ARHGEF10L: variants seen among roughly 807,000 people sequenced by gnomAD.
ARHGEF10L encodes the protein Rho guanine nucleotide exchange factor 10 like, also known as rho guanine nucleotide exchange factor 10-like protein.
Under a neutral mutation model 141.2 loss-of-function variants are expected in ARHGEF10L, and 69 were observed. That is an observed-to-expected ratio of 0.49 (90% CI 0.40 to 0.60). The LOEUF is 0.60. Ranked by LOEUF, ARHGEF10L falls within the 20% of genes least tolerant of loss-of-function variation. The probability of loss-of-function intolerance (pLI) is 0.00; values close to 1 mark genes in which losing one functional copy is unlikely to be tolerated. For missense variants in ARHGEF10L, 1,482 were observed against 1,734.3 expected (o/e 0.85, Z 2.58); for synonymous variants, 711 against 718.5 (o/e 0.99, Z 0.17).
rs1274233129 is a variant in ARHGEF10L at position 17,603,555 on chromosome 1, G to T, written c.397G>T (p.Asp133Tyr). 7.4e-6 allele frequency: 12 copies of T among 1,613,524 alleles called. No individual in the cohort carries two copies. The highest frequency in any genetic ancestry group is 1.0e-5 in the Non-Finnish European group (12 of 1,179,798). ...PALEEDVIYD[D>Y]VPCESPDAHQ... ...CCTGGAAGAGGATGTGATTTATGACGACGTCCCCTGCGAGAGCCCAGATGC... is the reference window on the plus strand; with the variant it reads ...CCTGGAAGAGGATGTGATTTATGACTACGTCCCCTGCGAGAGCCCAGATGC... Residue 133 changes from aspartate to tyrosine, a missense_variant, in exon 6 of 29, where the codon GAC becomes TAC. Asp to Tyr is a radical substitution (Grantham distance 160). Around this residue, in one of 3 missense-constraint regions of ARHGEF10L, gnomAD observed 232 missense variants for 225.9 expected, o/e 1.03. Transcript: ENST00000361221. The surrounding 1 kb of genome is among the most constrained non-coding windows in gnomAD (Gnocchi z 4.8).
At position 17,587,213 on chromosome 1, in the gene ARHGEF10L, A is replaced by T. The variant is rs75686567; in HGVS notation, c.38-247A>T. Among the ~76,000 whole-genome samples, 649 of 152,328 alleles carry T rather than the reference A, an allele frequency of 4.3e-3. 7 individuals carry two copies. Among genetic ancestry groups the T allele is most frequent in the African/African-American group, 0.015 (617 of 41,562 alleles). On this transcript the variant is annotated intron_variant, in intron 2 of 28. Transcript: ENST00000361221. Reference sequence around the variant, plus strand: ...TATACATTGAAGTACTGAGGTGCACAGGCTCGCCCTGGGAGCACACTCCCT... The same window carrying T: ...TATACATTGAAGTACTGAGGTGCACTGGCTCGCCCTGGGAGCACACTCCCT...
At position 17,587,569 on chromosome 1, in the gene ARHGEF10L, C is replaced by G. The variant is rs1050696545; in HGVS notation, c.147C>G (p.Ala49=). Residue 49 remains alanine (A), a synonymous_variant, in exon 3 of 29, where the codon GCC becomes GCG. Transcript: ENST00000361221. ...ATGATGAAGAGGACACCAGCGCAGCCCTGGGCGTCCCCAGCCTTGCTCCTG... is the reference window on the plus strand; with the variant it reads ...ATGATGAAGAGGACACCAGCGCAGCGCTGGGCGTCCCCAGCCTTGCTCCTG... ...DSDDEEDTSA[A]LGVPSLAPER... 1.2e-6 allele frequency: 2 copies of G among 1,614,056 alleles called. No individual in the cohort carries two copies. The highest frequency in any genetic ancestry group is 2.2e-5 in the East Asian group (1 of 44,888).
chr1:17,687,581 C>T lies in ARHGEF10L; in HGVS notation c.3018C>T (p.Phe1006=), dbSNP rs61749347. ...CTCCCTTTGTGCCACAGCAAAGCTT[C>T]GAGGCGCACCAGGACGAGGCAGTGA... ...EATTLQPQQS[F]EAHQDEAVSV... The change falls in exon 27 of 29, where the codon TTC becomes TTT. Residue 1006 remains phenylalanine, a synonymous_variant. Transcript: ENST00000361221. 2.6e-4 allele frequency: 424 copies of T among 1,612,908 alleles called. 1 individual carries two copies. The highest frequency in any genetic ancestry group is 3.3e-4 in the Non-Finnish European group (386 of 1,179,926).
In ARHGEF10L at chr1:17,654,613, A is replaced by G; in HGVS notation, c.2395-23A>G. The G allele has an allele frequency of 6.2e-7, 1 of 1,609,220 alleles. No individual in the cohort carries two copies. On this transcript the variant is annotated intron_variant, in intron 22 of 28. Transcript: ENST00000361221. This position sits in a 1 kb window ranked among gnomAD's most constrained non-coding sequence, Gnocchi z 4.3. ...TGGGCACCTTGATGATTAACCTCAC[A>G]TGTACCGTCTCTGTCTCTGCAGCTT...
intron 1 of ARHGEF10L, among the ~76,000 whole-genome samples, chr1:17,580,296 T>C (rs2078434476): frequency 6.6e-6 from 1 of 152,254 alleles, no homozygotes; most frequent in African/African-American, 2.4e-5. Context: ...AGCAGGTCCC[T>C]GCAGGTCCCT....
chr1:17,697,230 C>T lies in ARHGEF10L; in HGVS notation c.3690C>T (p.Ala1230=), dbSNP rs1454770495. ...GCAGCCGGCCCTGCGCCCGCGACGCCCACCGCAAGGAGATTTGCTCTGTGG... is the reference window on the plus strand; with the variant it reads ...GCAGCCGGCCCTGCGCCCGCGACGCTCACCGCAAGGAGATTTGCTCTGTGG... The part of the protein sequence containing the change: ...WVRSRPCARD[A]HRKEICSVAI... Residue 1230 remains alanine, a synonymous_variant, in exon 29 of 29, where the codon GCC becomes GCT. Coordinates refer to ENST00000361221, the MANE Select transcript of ARHGEF10L (RefSeq NM_018125.4). The surrounding 1 kb of genome is among the most constrained non-coding windows in gnomAD (Gnocchi z 4.8). The T allele has an allele frequency of 6.2e-7, 1 of 1,612,364 alleles. No individual in the cohort carries two copies. Among genetic ancestry groups the T allele is most frequent in the Non-Finnish European group, 8.5e-7 (1 of 1,179,644 alleles).
intron 1 of ARHGEF10L, among the ~76,000 whole-genome samples, chr1:17,554,114 C>T (rs1162868479): frequency 6.6e-6 from 1 of 152,194 alleles, no homozygotes; most frequent in East Asian, 1.9e-4. Flanking sequence ...TCACTTGGAG[C>T]TCTCTGCAAA....
At chr1:17,655,300 AC>A (rs1258396970) in intron 23 of ARHGEF10L, among the ~76,000 whole-genome samples, 1 of 151,558 alleles carries the variant, frequency 6.6e-6, no homozygotes, top group Non-Finnish European at 1.5e-5. Flanking sequence ...CCATCCACCC[AC>A]CCACCTACCT....
At chr1:17,568,717 C>T (rs2257121) in intron 1 of ARHGEF10L, among the ~76,000 whole-genome samples, 8,303 of 152,242 alleles carry the variant, frequency 0.055, 265 homozygotes, top group Non-Finnish European at 0.064. Flanking sequence ...CCTCGTAAGT[C>T]GCACCACAGG....
intron 4 of ARHGEF10L, among the ~76,000 whole-genome samples, chr1:17,597,212 A>T (rs1005058392): frequency 1.3e-5 from 2 of 152,104 alleles, no homozygotes; most frequent in East Asian, 3.9e-4. Context: ...CTCATTTGCA[A>T]GCTGAGAGGC....
At chr1:17,532,984 T>C in the ARHGEF10L span, among the ~76,000 whole-genome samples, 1 of 152,142 alleles carries the variant, frequency 6.6e-6, no homozygotes, top group African/African-American at 2.4e-5. Flanking sequence ...TCCCTCTCTT[T>C]GCAAAGGACT....
chr1:17,632,604 C>A, intron 16 of ARHGEF10L, 138 bp downstream of exon 16: 1 of 1,140,350 alleles, frequency 8.8e-7, no homozygotes, highest in Non-Finnish European at 1.3e-6. Flanking sequence ...CCTCTCCCAT[C>A]CCTCTTGCCC....
chr1:17,687,815 G>T, intron 27 of ARHGEF10L, 68 bp downstream of exon 27: 1 of 1,468,722 alleles, frequency 6.8e-7, no homozygotes, highest in South Asian at 1.4e-5. Flanking sequence ...GTAGTGGTGT[G>T]ACCTGGGCAG....
intron 6 of ARHGEF10L, among the ~76,000 whole-genome samples, chr1:17,604,126 G>A (rs902373798): frequency 1.3e-5 from 2 of 152,002 alleles, no homozygotes; most frequent in African/African-American, 2.4e-5. Context: ...GTCTTTGCTT[G>A]GACACGTTAG....
intron 16 of ARHGEF10L, 77 bp downstream of exon 16, chr1:17,632,543 G>T (rs180852480): frequency 5.0e-6 from 8 of 1,584,256 alleles, no homozygotes; most frequent in Admixed American, 5.0e-5. Flanking sequence ...TCTCTTGGCC[G>T]GCCGCACTAC....
At chr1:17,597,997 G>C (rs532891296) in intron 4 of ARHGEF10L, among the ~76,000 whole-genome samples, 1 of 152,204 alleles carries the variant, frequency 6.6e-6, no homozygotes, top group Non-Finnish European at 1.5e-5. Context: ...AAAGCGTGCT[G>C]CAGCCTTTGA....
intron 9 of ARHGEF10L, chr1:17,618,194 T>A: frequency 1.2e-6 from 1 of 825,266 alleles, no homozygotes; most frequent in Non-Finnish European, 1.8e-6. Flanking sequence ...CCAGGCCAGC[T>A]GGCTGGGAAC....
At chr1:17,630,974 G>C (rs528037237) in intron 15 of ARHGEF10L, among the ~76,000 whole-genome samples, 2 of 151,268 alleles carry the variant, frequency 1.3e-5, no homozygotes, top group Non-Finnish European at 2.9e-5. Context: ...TTCTCTCCTG[G>C]GGATGCTCGG....
intron 27 of ARHGEF10L, among the ~76,000 whole-genome samples, chr1:17,690,615 G>A (rs1245135281): frequency 6.6e-6 from 1 of 152,362 alleles, no homozygotes; most frequent in Non-Finnish European, 1.5e-5. Flanking sequence ...CCTGGAGAAG[G>A]CTGGATGTAG....
Sources: allele counts gnomAD v4.1 joint callset (sites outside exome capture counted in the v4.1 genomes callset), GRCh38; gene constraint gnomAD v4.1.1; regional missense constraint gnomAD v4.1.1; non-coding constraint Gnocchi (gnomAD v3.1); transcripts MANE v1.5; gene names NCBI Gene and HGNC (gene_info 2026-07-23, HGNC 2026-07-21).